Variants in CNTNAP2 observed in about 807,000 individuals in gnomAD.
The protein encoded by CNTNAP2 is contactin-associated protein-like 2.
A neutral mutation model predicts 155.2 loss-of-function variants in CNTNAP2; 98 were observed. That is an observed-to-expected ratio of 0.63 (90% CI 0.54 to 0.75). The LOEUF is 0.75. CNTNAP2 is among the 30% of genes least tolerant of loss of function. The probability of loss-of-function intolerance (pLI) is 0.00; values close to 1 mark genes in which losing one functional copy is unlikely to be tolerated. For synonymous variants in CNTNAP2, 651 were observed against 631.2 expected (o/e 1.03, Z -0.47); for missense variants, 1,727 against 1,688.1 (o/e 1.02, Z -0.40).
intron 1 of CNTNAP2, among the ~76,000 whole-genome samples, chr7:146,450,382 C>A (rs1256527649): frequency 6.6e-6 from 1 of 152,276 alleles, no homozygotes; most frequent in East Asian, 1.9e-4. Flanking sequence ...CAGGGCCAAG[C>A]TGGTTAGTTC....
chr7:146,218,024 G>A (rs1211296749), intron 1 of CNTNAP2, among the ~76,000 whole-genome samples: 1 of 152,096 alleles, frequency 6.6e-6, no homozygotes, highest in Non-Finnish European at 1.5e-5. Context: ...AAAGATCAAT[G>A]TATGGACCAA....
chr7:147,858,339 G>A (rs12540158), intron 13 of CNTNAP2, among the ~76,000 whole-genome samples: 1,675 of 152,134 alleles, frequency 0.011, 93 homozygotes, highest in Admixed American at 0.09. Flanking sequence ...CGCCTGCCTC[G>A]GCCTCCCAAA....
chr7:148,020,449 G>A (rs957763834), intron 15 of CNTNAP2, among the ~76,000 whole-genome samples: 2 of 152,200 alleles, frequency 1.3e-5, no homozygotes, highest in Non-Finnish European at 2.9e-5. Flanking sequence ...AAAATAAAGT[G>A]CAAGTTGTGA....
chr7:147,539,931 C>T lies in CNTNAP2; in HGVS notation c.1778-22207C>T, dbSNP rs145854686. 1.0e-2 allele frequency among the ~76,000 whole-genome samples: 1,516 copies of T among 152,264 alleles called. 13 individuals carry two copies. The highest frequency in any genetic ancestry group is 0.017 in the Middle Eastern group (5 of 294). On this transcript the variant is annotated intron_variant, in intron 11 of 23. Transcript: ENST00000361727. ...GACTCTACTGTTAACTCTCTCATGT[C>T]CAGGCTCATACCAGCCAAAGGAAAT... is the stretch of plus-strand genomic sequence containing the variant.
intron 8 of CNTNAP2, among the ~76,000 whole-genome samples, chr7:147,278,922 A>G (rs1804966492): frequency 6.6e-6 from 1 of 151,458 alleles, no homozygotes; most frequent in Non-Finnish European, 1.5e-5. Context: ...AATGGAGCTT[A>G]CATTTTTAAA....
intron 13 of CNTNAP2, among the ~76,000 whole-genome samples, chr7:147,760,623 C>A (rs1244843295): frequency 1.3e-5 from 2 of 152,180 alleles, no homozygotes; most frequent in Non-Finnish European, 2.9e-5. Context: ...TTTTTCCTGG[C>A]CTTCTGCTCC....
At chr7:146,270,874 G>A (rs2129083285) in intron 1 of CNTNAP2, among the ~76,000 whole-genome samples, 1 of 152,216 alleles carries the variant, frequency 6.6e-6, no homozygotes, top group Admixed American at 6.5e-5. Context: ...GCAAAAGACA[G>A]ATTGAGACAT....
chr7:148,151,432 T>C (rs2906306), intron 17 of CNTNAP2, among the ~76,000 whole-genome samples: 104,537 of 151,954 alleles, frequency 0.69, 37,892 homozygotes, highest in African/African-American at 0.92. Context: ...CGGCCTCCTG[T>C]GTAGCTGGGA....
At chr7:148,259,800 C>T (rs148499939) in intron 20 of CNTNAP2, among the ~76,000 whole-genome samples, 2 of 152,366 alleles carry the variant, frequency 1.3e-5, no homozygotes, top group Non-Finnish European at 2.9e-5. Flanking sequence ...TTAAGCTCCA[C>T]GTGTAAGACA....
chr7:146,259,737 T>G (rs538318940), intron 1 of CNTNAP2, among the ~76,000 whole-genome samples: 54 of 152,286 alleles, frequency 3.5e-4, no homozygotes, highest in Middle Eastern at 3.4e-3. Flanking sequence ...GATACTTATA[T>G]TTTAAAGGAA....
Position 147,455,435 on chromosome 7 carries a change from A to T in CNTNAP2, c.1671-30500A>T, listed in dbSNP as rs1308495535. Among the ~76,000 whole-genome samples the T allele has an allele frequency of 2.6e-5, 4 of 152,216 alleles. No individual in the cohort carries two copies. The East Asian group carries it at 7.7e-4, about 29-fold the overall frequency. ...ATAGGTAATAAATAACAATGCCAGAATTTACTGTTTTCAGATCACTCAGTT... is the reference window on the plus strand; with the variant it reads ...ATAGGTAATAAATAACAATGCCAGATTTTACTGTTTTCAGATCACTCAGTT... On this transcript the variant is annotated intron_variant, in intron 10 of 23. Coordinates refer to ENST00000361727, the MANE Select transcript of CNTNAP2 (RefSeq NM_014141.6).
intron 1 of CNTNAP2, among the ~76,000 whole-genome samples, chr7:146,117,658 A>G (rs991073662): frequency 2.0e-5 from 3 of 152,110 alleles, no homozygotes; most frequent in African/African-American, 7.2e-5. Flanking sequence ...GAAAATAATT[A>G]TATTCAATAT....
intron 21 of CNTNAP2, among the ~76,000 whole-genome samples, chr7:148,277,587 C>CG (rs1228464030): frequency 3.2e-5 from 3 of 92,826 alleles, no homozygotes; most frequent in East Asian, 1.0e-3. Context: ...TAGTACAGGA[C>CG]CGCCCCCCAC....
intron 7 of CNTNAP2, among the ~76,000 whole-genome samples, chr7:147,131,689 TAATATC>T (rs1801375572): frequency 6.6e-6 from 1 of 152,108 alleles, no homozygotes; most frequent in Non-Finnish European, 1.5e-5. Context: ...GCTGAAAACT[TAATATC>T]TATCTATCTA....
chr7:146,306,116 C>T (rs1291287305), intron 1 of CNTNAP2, among the ~76,000 whole-genome samples: 1 of 152,144 alleles, frequency 6.6e-6, no homozygotes, highest in African/African-American at 2.4e-5. Context: ...ATACTATAAA[C>T]ACCTCTATGC....
At chr7:147,462,211 T>C (rs1292104014) in intron 10 of CNTNAP2, among the ~76,000 whole-genome samples, 2 of 152,170 alleles carry the variant, frequency 1.3e-5, no homozygotes, top group African/African-American at 4.8e-5. Flanking sequence ...ATCATATATA[T>C]AGCAACCCTG....
chr7:146,766,967 C>T (rs894893961), intron 1 of CNTNAP2, among the ~76,000 whole-genome samples: 1 of 152,076 alleles, frequency 6.6e-6, no homozygotes, highest in African/African-American at 2.4e-5. Flanking sequence ...AAAAGGAAGG[C>T]AGATGAATTT....
chr7:147,910,820 G>A lies in CNTNAP2; in HGVS notation c.2255+7099G>A, dbSNP rs1800051420. 3.3e-5 allele frequency among the ~76,000 whole-genome samples: 5 copies of A among 152,230 alleles called. No individual in the cohort carries two copies. In the South Asian group the frequency reaches 1.0e-3, roughly 32 times the overall value. On this transcript the variant is annotated intron_variant, in intron 14 of 23. Coordinates refer to ENST00000361727, the MANE Select transcript of CNTNAP2 (RefSeq NM_014141.6). ...CCACCTGGTCCCGCCCTTAACATGTGGGGATTATTACACCTCTGGGTGAGA... is the reference window on the plus strand; with the variant it reads ...CCACCTGGTCCCGCCCTTAACATGTAGGGATTATTACACCTCTGGGTGAGA...
intron 11 of CNTNAP2, among the ~76,000 whole-genome samples, chr7:147,524,080 C>T (rs1248956271): frequency 6.6e-6 from 1 of 152,282 alleles, no homozygotes; most frequent in African/African-American, 2.4e-5. Context: ...GATAAAACTT[C>T]GGGTCAGACT....
Sources: gnomAD v4.1 joint callset for allele counts (sites outside exome capture counted in the v4.1 genomes callset) on GRCh38, gnomAD v4.1.1 for gene constraint, MANE v1.5 for transcripts, NCBI Gene and HGNC (gene_info 2026-07-23, HGNC 2026-07-21) for gene names.